Variants in SLC9C1 observed in about 807,000 individuals in gnomAD.
SLC9C1 encodes the protein sodium/hydrogen exchanger 10.
SLC9C1 carries 97 observed loss-of-function variants against 140.9 expected under a neutral mutation model. That is an observed-to-expected ratio of 0.69 (90% CI 0.58 to 0.82). The LOEUF is 0.82. SLC9C1 is among the 40% of genes least tolerant of loss of function. The pLI, the probability that SLC9C1 is intolerant of heterozygous loss-of-function variation, is 0.00. For synonymous variants in SLC9C1, 440 were observed against 442.6 expected (o/e 0.99, Z 0.07); for missense variants, 1,340 against 1,389.3 (o/e 0.96, Z 0.56).
chr3:112,213,128 A>G (rs1012958240), intron 15 of SLC9C1, among the ~76,000 whole-genome samples: 1 of 152,224 alleles, frequency 6.6e-6, no homozygotes, highest in South Asian at 2.1e-4. Flanking sequence ...TGAAGGAGAA[A>G]TAAAATCCTT....
intron 7 of SLC9C1, among the ~76,000 whole-genome samples, chr3:112,269,103 T>C (rs1410148142): frequency 6.6e-6 from 1 of 152,202 alleles, no homozygotes; most frequent in Non-Finnish European, 1.5e-5. Flanking sequence ...AATTTACAGG[T>C]AGAAACTGCC....
intron 26 of SLC9C1, among the ~76,000 whole-genome samples, chr3:112,165,153 T>A (rs2077096632): frequency 6.6e-6 from 1 of 152,208 alleles, no homozygotes; most frequent in African/African-American, 2.4e-5. Flanking sequence ...CTGCATTGGT[T>A]ATTCTAGTTA....
intron 1 of SLC9C1, among the ~76,000 whole-genome samples, chr3:112,293,207 C>G (rs566221613): frequency 2.0e-5 from 3 of 151,802 alleles, no homozygotes; most frequent in East Asian, 1.9e-4. Context: ...ATTGAAGAGG[C>G]AGAGATTGCA....
chr3:112,290,874 C>G (rs1180147500), intron 1 of SLC9C1, among the ~76,000 whole-genome samples: 1 of 146,092 alleles, frequency 6.8e-6, no homozygotes, highest in Non-Finnish European at 1.5e-5. Flanking sequence ...ATCAGGATTG[C>G]AACCCTTGCT....
intron 2 of SLC9C1, among the ~76,000 whole-genome samples, chr3:112,281,191 A>C (rs1051248366): frequency 1.3e-5 from 2 of 152,158 alleles, no homozygotes; most frequent in African/African-American, 4.8e-5. Flanking sequence ...AACTTAAAAA[A>C]CTAGTTGTGG....
At chr3:112,273,332 C>A (rs908565318) in intron 6 of SLC9C1, among the ~76,000 whole-genome samples, 16 of 152,034 alleles carry the variant, frequency 1.1e-4, no homozygotes, top group Non-Finnish European at 1.9e-4. Flanking sequence ...TTGGCTTTCA[C>A]ACACATCACA....
intron 26 of SLC9C1, among the ~76,000 whole-genome samples, chr3:112,155,840 G>T (rs1483498499): frequency 6.6e-6 from 1 of 151,758 alleles, no homozygotes; most frequent in African/African-American, 2.4e-5. Context: ...GAGAATCAAG[G>T]TATTTTATTT....
chr3:112,203,041 T>C (rs2077948247), intron 17 of SLC9C1, among the ~76,000 whole-genome samples: 1 of 152,044 alleles, frequency 6.6e-6, no homozygotes, highest in South Asian at 2.1e-4. Flanking sequence ...AAGATTCAGC[T>C]CAAGTATCAC....
Position 112,244,068 on chromosome 3 carries a change from A to G in SLC9C1, c.1206T>C (p.Phe402=), listed in dbSNP as rs753772069. 9 of 1,596,264 alleles carry G rather than the reference A, an allele frequency of 5.6e-6. No individual in the cohort carries two copies. Among genetic ancestry groups the G allele is most frequent in the Non-Finnish European group, 7.7e-6 (9 of 1,170,178 alleles). The part of the protein sequence containing the change: ...GSDKEKSQIL[F]HGVLVCLITL... Reference sequence around the variant, plus strand: ...TTATTAGGCATACTAACACTCCATGAAATAATATCTAGAATTGAAAAAAAT... The same window carrying G: ...TTATTAGGCATACTAACACTCCATGGAATAATATCTAGAATTGAAAAAAAT... The change falls in exon 11 of 29, where the codon TTT becomes TTC. Residue 402 remains phenylalanine (F), a synonymous_variant. Transcript: ENST00000305815.
intron 6 of SLC9C1, among the ~76,000 whole-genome samples, chr3:112,272,215 C>T (rs541845115): frequency 6.6e-6 from 1 of 152,252 alleles, no homozygotes; most frequent in African/African-American, 2.4e-5. Flanking sequence ...ATACAGGAAT[C>T]TGGAGTTCGA....
intron 10 of SLC9C1, among the ~76,000 whole-genome samples, chr3:112,257,673 T>C (rs1185567339): frequency 6.6e-6 from 1 of 152,046 alleles, no homozygotes; most frequent in African/African-American, 2.4e-5. Context: ...CCAACAGCAA[T>C]CACAACAAAA....
intron 13 of SLC9C1, among the ~76,000 whole-genome samples, 187 bp downstream of exon 13, chr3:112,231,162 CTCTTTCTTTCTT>C (rs796072057): frequency 7.3e-5 from 1 of 13,726 alleles, no homozygotes; most frequent in African/African-American, 1.1e-4. Context: ...TTCTTTCTTT[CTCTTTCTTTCTT>C]TTTCTTTCTT....
chr3:112,235,536 C>T (rs2078959719), intron 12 of SLC9C1, among the ~76,000 whole-genome samples: 1 of 150,266 alleles, frequency 6.7e-6, no homozygotes, highest in African/African-American at 2.4e-5. Context: ...TGAGAGAGGG[C>T]ATCTCTGTCT....
At chr3:112,174,248 G>T (rs2077296003) in intron 23 of SLC9C1, among the ~76,000 whole-genome samples, 1 of 152,162 alleles carries the variant, frequency 6.6e-6, no homozygotes, top group Non-Finnish European at 1.5e-5. Context: ...TTGCCCCTGG[G>T]GGCTCCACCT....
At chr3:112,150,906 C>T (rs1189386576) in intron 28 of SLC9C1, among the ~76,000 whole-genome samples, 17 of 147,388 alleles carry the variant, frequency 1.2e-4, no homozygotes, top group African/African-American at 3.8e-4. Flanking sequence ...GGCGTGATCT[C>T]GGCTCACTGC....
intron 28 of SLC9C1, among the ~76,000 whole-genome samples, chr3:112,146,063 G>A (rs2074784870): frequency 1.3e-5 from 2 of 152,088 alleles, no homozygotes; most frequent in African/African-American, 2.4e-5. Context: ...GCAGAAAAAC[G>A]GACTGATACA....
chr3:112,291,334 C>T (rs2080676546), intron 1 of SLC9C1, among the ~76,000 whole-genome samples: 1 of 152,136 alleles, frequency 6.6e-6, no homozygotes, highest in African/African-American at 2.4e-5. Flanking sequence ...AAACAGATAA[C>T]CTACAGAATG....
chr3:112,200,802 G>C, intron 18 of SLC9C1, 40 bp from the exon 19 acceptor site: 1 of 1,545,934 alleles, frequency 6.5e-7, no homozygotes, highest in Non-Finnish European at 8.9e-7. Context: ...TGGAAAAACA[G>C]ACTGTTATAA....
At chr3:112,266,726 T>C (rs1191473563) in intron 7 of SLC9C1, among the ~76,000 whole-genome samples, 2 of 152,208 alleles carry the variant, frequency 1.3e-5, no homozygotes, top group Admixed American at 1.3e-4. Context: ...AAGTAAAAAT[T>C]GAAATATTTG....
Sources: allele counts gnomAD v4.1 joint callset (sites outside exome capture counted in the v4.1 genomes callset), GRCh38; gene constraint gnomAD v4.1.1; transcripts MANE v1.5; gene names NCBI Gene and HGNC (gene_info 2026-07-23, HGNC 2026-07-21).